NRG1: variants seen among roughly 807,000 people sequenced by gnomAD.
NRG1 encodes the protein neuregulin 1.
NRG1 carries 18 observed loss-of-function variants against 63.8 expected under a neutral mutation model. The ratio of observed to expected loss-of-function variants is 0.28; its 90% CI spans 0.19 to 0.42. The LOEUF (loss-of-function observed/expected upper bound fraction) is 0.42. Among genes scored for constraint, NRG1 ranks in the 10% least tolerant of loss-of-function variants. The pLI, the probability that NRG1 is intolerant of heterozygous loss-of-function variation, is 1.00. For synonymous variants in NRG1, 302 were observed against 301.3 expected (o/e 1.00, Z -0.02); for missense variants, 762 against 814.7 (o/e 0.94, Z 0.79).
intron 1 of NRG1, among the ~76,000 whole-genome samples, chr8:32,575,454 A>C (rs1007137057): frequency 2.6e-5 from 4 of 152,070 alleles, no homozygotes; most frequent in African/African-American, 9.7e-5. Context: ...GGTGGGTGGT[A>C]GTAAAATTAA....
chr8:31,746,094 T>C (rs888938496), intron 1 of NRG1, among the ~76,000 whole-genome samples: 1 of 151,816 alleles, frequency 6.6e-6, no homozygotes, highest in African/African-American at 2.4e-5. Context: ...TTTTCTGAAC[T>C]AACTCTTACT....
At chr8:32,584,059 T>TACCC in intron 1 of NRG1, among the ~76,000 whole-genome samples, 1 of 152,094 alleles carries the variant, frequency 6.6e-6, no homozygotes, top group South Asian at 2.1e-4. Flanking sequence ...TAGGGGAGAC[T>TACCC]ATTTGGACTC....
At chr8:32,737,955 T>C (rs946126896) in intron 6 of NRG1, among the ~76,000 whole-genome samples, 1 of 152,024 alleles carries the variant, frequency 6.6e-6, no homozygotes, top group Non-Finnish European at 1.5e-5. Context: ...TTACGGGTCT[T>C]AGCCACCACA....
intron 5 of NRG1, among the ~76,000 whole-genome samples, chr8:32,723,235 G>A (rs1023997823): frequency 7.2e-5 from 11 of 152,042 alleles, no homozygotes; most frequent in African/African-American, 2.4e-4. Flanking sequence ...ATTGTGCCTT[G>A]GACCTGATTC....
chr8:32,527,293 T>TA (rs1232357033), intron 1 of NRG1, among the ~76,000 whole-genome samples: 1 of 151,998 alleles, frequency 6.6e-6, no homozygotes, highest in Non-Finnish European at 1.5e-5. Flanking sequence ...TACATACACA[T>TA]ACAACACACA....
At chr8:32,762,132 A>T (rs1354430732) in intron 11 of NRG1, among the ~76,000 whole-genome samples, 1 of 150,678 alleles carries the variant, frequency 6.6e-6, no homozygotes, top group Non-Finnish European at 1.5e-5. Context: ...TTAGAACGTT[A>T]TGGAATTTAT....
intron 1 of NRG1, among the ~76,000 whole-genome samples, chr8:31,702,478 G>A (rs1379946318): frequency 1.3e-5 from 2 of 150,756 alleles, no homozygotes; most frequent in Non-Finnish European, 3.0e-5. Flanking sequence ...GACTTTTCAG[G>A]GGTATGGATA....
chr8:32,577,637 T>C (rs1839901577), intron 1 of NRG1, among the ~76,000 whole-genome samples: 1 of 152,186 alleles, frequency 6.6e-6, no homozygotes, highest in Admixed American at 6.5e-5. Flanking sequence ...CTAGCATAGT[T>C]ATGGCTCTAA....
chr8:32,372,625 A>G (rs983316027), intron 1 of NRG1, among the ~76,000 whole-genome samples: 14 of 152,156 alleles, frequency 9.2e-5, no homozygotes, highest in Admixed American at 7.2e-4. Context: ...ACAGTCTAAA[A>G]AGTTTTAAAA....
rs556397559 is a variant in NRG1, at chr8:32,131,272, A to G, written c.38-464556A>G. Among the ~76,000 whole-genome samples the G allele has an allele frequency of 7.2e-5, 11 of 152,152 alleles. No individual in the cohort carries two copies. In the South Asian group the frequency reaches 2.3e-3, roughly 32 times the overall value. ...TGCTCTCATTTTCAGAGGAATATGTAAGTGAGGAATAATATAGAAATCCTA... is the reference window on the plus strand; with the variant it reads ...TGCTCTCATTTTCAGAGGAATATGTGAGTGAGGAATAATATAGAAATCCTA... On this transcript the variant is annotated intron_variant, in intron 1 of 10. Transcript: ENST00000519301.
At chr8:32,125,723 G>A (rs1368196178) in intron 1 of NRG1, among the ~76,000 whole-genome samples, 1 of 151,844 alleles carries the variant, frequency 6.6e-6, no homozygotes, top group Non-Finnish European at 1.5e-5. Context: ...GTTTCTGCCT[G>A]CACACATCAT....
chr8:32,012,198 G>A (rs1172903983), intron 1 of NRG1, among the ~76,000 whole-genome samples: 1 of 152,054 alleles, frequency 6.6e-6, no homozygotes, highest in East Asian at 1.9e-4. Context: ...AGCTAAAACA[G>A]TTAGTCCCTT....
intron 1 of NRG1, among the ~76,000 whole-genome samples, chr8:31,896,391 A>C (rs957658030): frequency 6.6e-6 from 1 of 152,204 alleles, no homozygotes; most frequent in African/African-American, 2.4e-5. Context: ...GACTTTCACT[A>C]TCCGGGGACC....
chr8:31,801,629 A>G (rs1251396730), intron 1 of NRG1, among the ~76,000 whole-genome samples: 1 of 152,086 alleles, frequency 6.6e-6, no homozygotes, highest in African/African-American at 2.4e-5. Flanking sequence ...TAGTCTCCAA[A>G]CCAATCTTTG....
chr8:32,366,930 T>G (rs1808138971), intron 1 of NRG1, among the ~76,000 whole-genome samples: 1 of 151,956 alleles, frequency 6.6e-6, no homozygotes, highest in African/African-American at 2.4e-5. Context: ...CAGGCTGGTC[T>G]TGAACTCCTG....
In NRG1 at chr8:32,216,948, C is replaced by T. The variant is rs186118743; in HGVS notation, c.38-378880C>T. Among the ~76,000 whole-genome samples, 346 of 152,096 alleles carry T rather than the reference C, an allele frequency of 2.3e-3. 2 individuals carry two copies. The highest frequency in any genetic ancestry group is 7.9e-3 in the African/African-American group (328 of 41,508). On this transcript the variant is annotated intron_variant, in intron 1 of 10. Coordinates refer to the NRG1 transcript ENST00000519301. The stretch of plus-strand genomic sequence containing the variant: ...TTCGGGGAGGGCAGGCATGATGGCT[C>T]ACACCTGTAATCCCTGCACTTTGGG...
chr8:32,075,227 A>G (rs946362313), intron 1 of NRG1, among the ~76,000 whole-genome samples: 2 of 152,210 alleles, frequency 1.3e-5, no homozygotes, highest in Admixed American at 1.3e-4. Flanking sequence ...TGCCTCCAAA[A>G]TATACACTTC....
In NRG1 at chr8:32,728,676, G is replaced by A. The variant is rs1038153265; in HGVS notation, c.632+598G>A. The A allele has an allele frequency of 4.1e-6, 4 of 983,756 alleles. No homozygotes were observed. The African/African-American group carries it at 5.2e-5, about 13-fold the overall frequency. 60.9% of individuals were successfully genotyped at this position (983,756 alleles called of 1,614,324 possible). On this transcript the variant is annotated intron_variant, in intron 6 of 11. Coordinates refer to ENST00000356819, the Ensembl canonical transcript of NRG1. ...GAAATACATTGTATGTAGCATCCCT[G>A]TGGGTGACAGCAGTGTTCTTTCATT...
At chr8:32,005,236 A>G (rs1813581401) in intron 1 of NRG1, among the ~76,000 whole-genome samples, 1 of 151,774 alleles carries the variant, frequency 6.6e-6, no homozygotes, top group African/African-American at 2.4e-5. Flanking sequence ...AGTTAAGGGG[A>G]AGGAAGTGGT....
Sources: gnomAD v4.1 joint callset for allele counts (sites outside exome capture counted in the v4.1 genomes callset) on GRCh38, gnomAD v4.1.1 for gene constraint, MANE v1.5 for transcripts, NCBI Gene and HGNC (gene_info 2026-07-23, HGNC 2026-07-21) for gene names.